LRP4: variants seen among roughly 807,000 people sequenced by gnomAD.
The protein encoded by LRP4 is LDL receptor related protein 4.
In LRP4, 95 loss-of-function variants were observed where a neutral mutation model predicts 220.3. The observed-to-expected ratio is 0.43, with a 90% confidence interval of 0.37 to 0.51. The LOEUF (loss-of-function observed/expected upper bound fraction) is 0.51. Among genes scored for constraint, LRP4 ranks in the 20% least tolerant of loss-of-function variants. The pLI, the probability that LRP4 is intolerant of heterozygous loss-of-function variation, is 0.00. For synonymous variants in LRP4, 903 were observed against 954.6 expected, an observed-to-expected ratio of 0.95 and a Z score of 1.00; for missense variants, 1,925 against 2,567.0, an observed-to-expected ratio of 0.75 and a Z score of 5.40.
intron 12 of LRP4, among the ~76,000 whole-genome samples, chr11:46,894,031 A>G (rs2134848191): frequency 6.6e-6 from 1 of 151,322 alleles, no homozygotes; most frequent in Middle Eastern, 3.4e-3. Flanking sequence ...AGCTGGGATT[A>G]CAGGCATGCG....
In LRP4 at chr11:46,871,739, A is replaced by G. The variant is rs1940870534; in HGVS notation, c.4584-106T>C. 4 of 769,070 alleles carry G rather than the reference A, an allele frequency of 5.2e-6. No individual in the cohort carries two copies. The South Asian group carries it at 5.8e-5, about 11-fold the overall frequency. The allele number at this position is 769,070 out of a possible 1,614,324, so 47.6% of individuals were successfully genotyped here. A position where few individuals can be genotyped will look rare whatever the true frequency, so the allele number is the denominator to read the frequency against. On this transcript the variant is annotated intron_variant, in intron 30 of 37. Transcript: ENST00000378623. ...CCTCCTGAGCTGACTGGCAGATGCTATGAGAACTCAAGAAGCACCCTCGAT... is the reference window on the plus strand; with the variant it reads ...CCTCCTGAGCTGACTGGCAGATGCTGTGAGAACTCAAGAAGCACCCTCGAT...
intron 34 of LRP4, among the ~76,000 whole-genome samples, chr11:46,866,570 G>C: frequency 6.6e-6 from 1 of 152,126 alleles, no homozygotes; most frequent in East Asian, 1.9e-4. Context: ...ACAGGTATGA[G>C]CCACTGCGCC....
chr11:46,899,537 G>C lies in LRP4; in HGVS notation c.431-34C>G. The C allele has an allele frequency of 6.9e-7, 1 of 1,454,746 alleles. No homozygotes were observed. The highest frequency in any genetic ancestry group is 9.6e-7 in the Non-Finnish European group (1 of 1,039,436). 90.1% of individuals were successfully genotyped at this position (1,454,746 alleles called of 1,614,324 possible). The stretch of plus-strand genomic sequence containing the variant: ...ATGCGATGGGACAGCAGTTCTGAGG[G>C]GGCCCCACAGGCAACCCTCTCACCC... On this transcript the variant is annotated intron_variant, in intron 4 of 37. Coordinates refer to ENST00000378623, the MANE Select transcript of LRP4 (RefSeq NM_002334.4). This position sits in a 1 kb window ranked among gnomAD's most constrained non-coding sequence, Gnocchi z 5.9.
In LRP4 at chr11:46,898,920, T is replaced by C. The variant is rs200129866; in HGVS notation, c.660A>G (p.Ser220=). The C allele has an allele frequency of 7.4e-5, 119 of 1,613,892 alleles. No individual in the cohort carries two copies. Among genetic ancestry groups the C allele is most frequent in the Non-Finnish European group, 2.5e-6 (3 of 1,180,030 alleles). ...AGTACTCACAGCAGTCAGACTCGTC[T>C]GACCAGTCTCCACAGTCATCGTCGC... ...CDGDDDCGDW[S]DESDCSSHQP... is the part of the protein sequence containing the mutation. The change falls in exon 6 of 38, where the codon TCA becomes TCG. Residue 220 remains serine, a synonymous_variant. Transcript: ENST00000378623.
At chr11:46,901,738 G>A (rs1190515317) in intron 2 of LRP4, among the ~76,000 whole-genome samples, 1 of 145,650 alleles carries the variant, frequency 6.9e-6, no homozygotes, top group Non-Finnish European at 1.5e-5. Context: ...GAAAATATAA[G>A]TTTTTTTTTT....
At chr11:46,860,595 T>C (rs1208313781) in intron 37 of LRP4, among the ~76,000 whole-genome samples, 1 of 152,246 alleles carries the variant, frequency 6.6e-6, no homozygotes, top group Non-Finnish European at 1.5e-5. Flanking sequence ...TGTGGCTCTA[T>C]TTTTGTAACA....
chr11:46,890,538 G>A lies in LRP4; in HGVS notation c.1698-44C>T, dbSNP rs1270099685. 2 of 1,368,700 alleles carry A rather than the reference G, an allele frequency of 1.5e-6. No homozygotes were observed. The highest frequency in any genetic ancestry group is 2.1e-6 in the Non-Finnish European group (2 of 963,402). 84.8% of individuals were successfully genotyped at this position (1,368,700 alleles called of 1,614,324 possible). ...ATTGGGAAGTGGGCAGCAGAAAACA[G>A]GTAGGTAACCAGGAGAATAATCAGG... On this transcript the variant is annotated intron_variant, in intron 13 of 37. Transcript: ENST00000378623. The surrounding 1 kb of genome is among the most constrained non-coding windows in gnomAD (Gnocchi z 5.3).
At position 46,896,232 on chromosome 11, in the gene LRP4, G is replaced by A. The variant is rs769921016; in HGVS notation, c.1026C>T (p.Asp342=). The change falls in exon 9 of 38, where the codon GAC becomes GAT. Residue 342 remains aspartate (D), a synonymous_variant. Transcript: ENST00000378623. ...NGVNDCGDNS[D]ESPQQNCRPR... ...CACGGCAATTCTGCTGTGGGCTTTC[G>A]TCGCTGTTGTCACCACAGTCGTTGA... 1.2e-5 allele frequency: 20 copies of A among 1,613,932 alleles called. No homozygotes were observed. Among genetic ancestry groups the A allele is most frequent in the African/African-American group, 4.0e-5 (3 of 74,936 alleles).
intron 20 of LRP4, among the ~76,000 whole-genome samples, chr11:46,881,038 T>G (rs1223693079): frequency 8.7e-6 from 1 of 114,930 alleles, no homozygotes; most frequent in East Asian, 3.1e-4. Context: ...TGACACAGCA[T>G]GACCCTGCCT....
At chr11:46,910,409 C>T (rs1157772479) in intron 1 of LRP4, among the ~76,000 whole-genome samples, 1 of 152,198 alleles carries the variant, frequency 6.6e-6, no homozygotes, top group East Asian at 1.9e-4. Context: ...AAGGACTTAG[C>T]ATTACTGCCT....
chr11:46,876,402 C>T, intron 25 of LRP4, 64 bp downstream of exon 25: 2 of 1,598,112 alleles, frequency 1.3e-6, no homozygotes, highest in Non-Finnish European at 1.7e-6. Flanking sequence ...CCCACCTTTA[C>T]CCCGTCATAA....
chr11:46,896,200 G>A lies in LRP4; in HGVS notation c.1048+10C>T, dbSNP rs1941527756. ...ACCATGGGCCAGGTCCGCCCACTGG[G>A]GACACTCACGGCAATTCTGCTGTGG... On this transcript the variant is annotated intron_variant, in intron 9 of 37. Coordinates refer to ENST00000378623, the MANE Select transcript of LRP4 (RefSeq NM_002334.4). 1 of 1,613,466 alleles carries A rather than the reference G, an allele frequency of 6.2e-7. No homozygotes were observed. Among genetic ancestry groups the A allele is most frequent in the Non-Finnish European group, 8.5e-7 (1 of 1,179,976 alleles).
intron 19 of LRP4, among the ~76,000 whole-genome samples, chr11:46,883,539 T>C (rs1057039002): frequency 3.3e-5 from 5 of 152,352 alleles, no homozygotes; most frequent in African/African-American, 1.2e-4. Flanking sequence ...TTAATATCTA[T>C]AGAAACAATG....
intron 7 of LRP4, among the ~76,000 whole-genome samples, chr11:46,898,221 A>G (rs953819660): frequency 2.0e-5 from 3 of 152,104 alleles, no homozygotes; most frequent in African/African-American, 7.2e-5. Context: ...GTTTTTTGAG[A>G]TGTCATCTCA....
At chr11:46,912,757 CTGGATA>C in intron 1 of LRP4, among the ~76,000 whole-genome samples, 1 of 152,218 alleles carries the variant, frequency 6.6e-6, no homozygotes, top group African/African-American at 2.4e-5. Flanking sequence ...AGGTGTCTCT[CTGGATA>C]CCCTTCTCTG....
At chr11:46,871,776 G>C in intron 30 of LRP4, 143 bp from the exon 31 acceptor site, 1 of 702,678 alleles carries the variant, frequency 1.4e-6, no homozygotes, top group Non-Finnish European at 2.6e-6. Context: ...AGGGGTCATT[G>C]TGAGTCCCAA....
chr11:46,858,947 G>A lies in LRP4; in HGVS notation c.*36C>T. 1 of 1,596,122 alleles carries A rather than the reference G, an allele frequency of 6.3e-7. No homozygotes were observed. On this transcript the variant is annotated 3_prime_UTR_variant, in exon 38 of 38. Coordinates refer to ENST00000378623, the MANE Select transcript of LRP4 (RefSeq NM_002334.4). ...ACAAGGACTAGACGTCCATAAAGGA[G>A]AAGGAACAGGCAGGCAGGGAAGAGA...
In LRP4 at chr11:46,896,045, G is replaced by T. The variant is rs776612088; in HGVS notation, c.1049-27C>A. The T allele has an allele frequency of 3.7e-6, 6 of 1,613,942 alleles. No homozygotes were observed. In the South Asian group the frequency reaches 6.6e-5, roughly 18 times the overall value. ...TGTGCCAGCCAAGCCAGAGTTGGGA[G>T]TTGAGCCCAGAATCCTCCCCCAGAG... On this transcript the variant is annotated intron_variant, in intron 9 of 37. Transcript: ENST00000378623.
rs1940425568 is a variant in LRP4 at position 46,858,047 on chromosome 11, T to A, written c.*936A>T. ...GTCTCTTCCCCAGAATCCCAGGACA[T>A]GAGGGAGAGAGGGGTCAGGAGGTAT... is the stretch of plus-strand genomic sequence containing the variant. On this transcript the variant is annotated 3_prime_UTR_variant, in exon 38 of 38. Coordinates refer to ENST00000378623, the MANE Select transcript of LRP4 (RefSeq NM_002334.4). The A allele has an allele frequency of 1.3e-5, 2 of 152,332 alleles. No individual in the cohort carries two copies. Among genetic ancestry groups the A allele is most frequent in the Non-Finnish European group, 1.5e-5 (1 of 68,052 alleles). 9.4% of individuals were successfully genotyped at this position (152,332 alleles called of 1,614,324 possible).
Sources: allele counts gnomAD v4.1 joint callset (sites outside exome capture counted in the v4.1 genomes callset), GRCh38; gene constraint gnomAD v4.1.1; non-coding constraint Gnocchi (gnomAD v3.1); transcripts MANE v1.5; gene names NCBI Gene and HGNC (gene_info 2026-07-23, HGNC 2026-07-21).